Variants in HCN1 observed in about 807,000 individuals in gnomAD.
HCN1 encodes hyperpolarization activated cyclic nucleotide gated potassium channel 1.
In HCN1, 13 loss-of-function variants were observed where a neutral mutation model predicts 78.9. That is an observed-to-expected ratio of 0.16 (90% CI 0.11 to 0.26). The LOEUF is 0.26. Ranked by LOEUF, HCN1 falls within the 10% of genes least tolerant of loss-of-function variation. HCN1 has a pLI of 1.00. For missense variants in HCN1, 810 were observed against 1,154.3 expected (o/e 0.70, Z 4.32); for synonymous variants, 552 against 455.5 (o/e 1.21, Z -2.70).
At chr5:45,645,733 T>G (rs1745536129) in intron 1 of HCN1, 125 bp from the exon 2 acceptor site, 1 of 589,994 alleles carries the variant, frequency 1.7e-6, no homozygotes, top group African/African-American at 1.9e-5. Context: ...GATTTTATTT[T>G]TTAAAAATGT....
At chr5:45,452,910 C>G (rs533225422) in intron 3 of HCN1, among the ~76,000 whole-genome samples, 2 of 152,090 alleles carry the variant, frequency 1.3e-5, no homozygotes, top group South Asian at 4.2e-4. Flanking sequence ...AAAAGTGTCC[C>G]TCCTATTCTT....
chr5:45,615,914 T>G (rs1744940530), intron 2 of HCN1, among the ~76,000 whole-genome samples: 1 of 151,816 alleles, frequency 6.6e-6, no homozygotes, highest in Non-Finnish European at 1.5e-5. Context: ...AACACCAAAA[T>G]TATTTTTCCA....
At chr5:45,562,783 G>T (rs186626321) in intron 2 of HCN1, among the ~76,000 whole-genome samples, 1 of 152,004 alleles carries the variant, frequency 6.6e-6, no homozygotes, top group Non-Finnish European at 1.5e-5. Flanking sequence ...ACAAATGTAC[G>T]CAAAACCCTC....
At position 45,656,730 on chromosome 5, in the gene HCN1, C is replaced by G. The variant is rs1054639450; in HGVS notation, c.426-11122G>C. 2.0e-5 allele frequency among the ~76,000 whole-genome samples: 3 copies of G among 152,108 alleles called. No homozygotes were observed. In the East Asian group the frequency reaches 5.8e-4, roughly 29 times the overall value. ...GATCAAAGACAGCCAAGAATGTGAT[C>G]AAATAAAATCTCAATTTAAAAAGTG... On this transcript the variant is annotated intron_variant, in intron 1 of 7. Transcript: ENST00000303230.
chr5:45,371,649 C>T (rs866129272), intron 4 of HCN1, among the ~76,000 whole-genome samples: 1 of 149,750 alleles, frequency 6.7e-6, no homozygotes, highest in Non-Finnish European at 1.5e-5. Flanking sequence ...CCCAGCTACT[C>T]GTGAGGCTGA....
At chr5:45,547,971 T>C (rs933314140) in intron 2 of HCN1, among the ~76,000 whole-genome samples, 1 of 151,950 alleles carries the variant, frequency 6.6e-6, no homozygotes, top group African/African-American at 2.4e-5. Context: ...AAATCACTAT[T>C]TGTGTTCTAG....
chr5:45,263,266 G>A (rs1008030269), intron 7 of HCN1, among the ~76,000 whole-genome samples: 1 of 152,050 alleles, frequency 6.6e-6, no homozygotes, highest in African/African-American at 2.4e-5. Flanking sequence ...TATGTAACCC[G>A]CGACCCTGTC....
chr5:45,376,236 C>CTATATTCTATATAGAATATAGAA lies in HCN1; in HGVS notation c.1230+20255_1230+20256insTTCTATATTCTATATAGAATATA, dbSNP rs1747658632. ...TAATACATTATATATAATATATATT[C>CTATATTCTATATAGAATATAGAA]TATATATTCTATATAGAATATAGAA... is the stretch of plus-strand genomic sequence containing the variant. On this transcript the variant is annotated intron_variant, in intron 4 of 7. Coordinates refer to ENST00000303230, the MANE Select transcript of HCN1 (RefSeq NM_021072.4). Among the ~76,000 whole-genome samples, 154 of 27,940 alleles carry CTATATTCTATATAGAATATAGAA rather than the reference C, an allele frequency of 5.5e-3. 1 individual carries two copies. Among genetic ancestry groups the CTATATTCTATATAGAATATAGAA allele is most frequent in the African/African-American group, 0.011 (81 of 7,404 alleles). 18.3% of individuals were successfully genotyped at this position (27,940 alleles called of 152,430 possible). A position where few individuals can be genotyped will look rare whatever the true frequency, so the allele number is the denominator to read the frequency against.
intron 7 of HCN1, among the ~76,000 whole-genome samples, chr5:45,264,115 A>C (rs1053401352): frequency 6.6e-6 from 1 of 152,210 alleles, no homozygotes; most frequent in Non-Finnish European, 1.5e-5. Context: ...TCTTAAATGC[A>C]GCCAAGACTG....
At chr5:45,473,316 G>A (rs1465621272) in intron 2 of HCN1, among the ~76,000 whole-genome samples, 1 of 151,756 alleles carries the variant, frequency 6.6e-6, no homozygotes, top group East Asian at 1.9e-4. Flanking sequence ...AGTGATATTG[G>A]CGTATTTCTA....
chr5:45,442,762 C>A (rs1740704945), intron 3 of HCN1, among the ~76,000 whole-genome samples: 2 of 152,036 alleles, frequency 1.3e-5, no homozygotes, highest in South Asian at 4.1e-4. Flanking sequence ...TACCAATTCA[C>A]CAAAGTCATG....
At chr5:45,356,995 C>G (rs1412718267) in intron 4 of HCN1, among the ~76,000 whole-genome samples, 1 of 151,982 alleles carries the variant, frequency 6.6e-6, no homozygotes, top group Non-Finnish European at 1.5e-5. Flanking sequence ...AATTGCTGAT[C>G]ACATTTATTT....
At chr5:45,515,102 G>A (rs1742492139) in intron 2 of HCN1, among the ~76,000 whole-genome samples, 1 of 151,818 alleles carries the variant, frequency 6.6e-6, no homozygotes, top group Non-Finnish European at 1.5e-5. Flanking sequence ...TAGACCCTAT[G>A]TGCACAGTTT....
At chr5:45,455,169 A>G (rs1741004502) in intron 3 of HCN1, among the ~76,000 whole-genome samples, 1 of 152,100 alleles carries the variant, frequency 6.6e-6, no homozygotes, top group Non-Finnish European at 1.5e-5. Context: ...CTAAATTAAG[A>G]AGAGAAAATA....
At chr5:45,268,236 C>G (rs756198657) in intron 6 of HCN1, among the ~76,000 whole-genome samples, 4 of 152,096 alleles carry the variant, frequency 2.6e-5, no homozygotes, top group Non-Finnish European at 5.9e-5. Flanking sequence ...ATATGGTAAA[C>G]AAACATTTGC....
intron 5 of HCN1, among the ~76,000 whole-genome samples, chr5:45,345,571 G>T (rs1746684914): frequency 6.6e-6 from 1 of 152,106 alleles, no homozygotes; most frequent in Non-Finnish European, 1.5e-5. Flanking sequence ...GTTCCACAAA[G>T]ATCTCTATGG....
intron 4 of HCN1, among the ~76,000 whole-genome samples, chr5:45,391,880 A>G (rs2112035705): frequency 6.6e-6 from 1 of 152,292 alleles, no homozygotes; most frequent in Middle Eastern, 3.4e-3. Context: ...ATACAATGGC[A>G]TGATCAAGAA....
chr5:45,353,276 A>T (rs1746948608), intron 4 of HCN1, 30 bp from the exon 5 acceptor site: 1 of 1,516,380 alleles, frequency 6.6e-7, no homozygotes, highest in Non-Finnish European at 9.1e-7. Flanking sequence ...AAATTAAAAA[A>T]AAACATTGTT....
intron 3 of HCN1, among the ~76,000 whole-genome samples, chr5:45,425,682 C>A (rs1303778088): frequency 2.0e-5 from 3 of 152,124 alleles, no homozygotes; most frequent in Non-Finnish European, 4.4e-5. Context: ...TGAATTAATT[C>A]TATGCTACAC....
Sources: gnomAD v4.1 joint callset for allele counts (sites outside exome capture counted in the v4.1 genomes callset) on GRCh38, gnomAD v4.1.1 for gene constraint, MANE v1.5 for transcripts, NCBI Gene and HGNC (gene_info 2026-07-23, HGNC 2026-07-21) for gene names.